The following ZFYVE1 variants were observed in gnomAD, a reference collection of about 807,000 sequenced individuals.
ZFYVE1 encodes zinc finger FYVE domain-containing protein 1.
ZFYVE1 carries 30 observed loss-of-function variants against 74.4 expected under a neutral mutation model. The observed-to-expected ratio is 0.40, with a 90% CI of 0.30 to 0.55. ZFYVE1 has a LOEUF of 0.55. ZFYVE1 is among the 20% of genes least tolerant of loss of function. ZFYVE1 has a pLI of 0.42. For synonymous variants in ZFYVE1, 335 were observed against 385.1 expected, an observed-to-expected ratio of 0.87 and a Z score of 1.52; for missense variants, 703 against 1,011.6, an observed-to-expected ratio of 0.69 and a Z score of 4.14.
chr14:73,012,645 T>C (rs12050080), intron 2 of ZFYVE1, among the ~76,000 whole-genome samples: 41,992 of 151,898 alleles, frequency 0.28, 6,627 homozygotes, highest in Middle Eastern at 0.39. Context: ...TGTGGGATCC[T>C]TGAAAAGCCT....
intron 1 of ZFYVE1, among the ~76,000 whole-genome samples, chr14:73,026,551 G>C (rs12889202): frequency 0.15 from 22,281 of 152,022 alleles, 1,887 homozygotes; most frequent in South Asian, 0.24. Flanking sequence ...TGTCACAATT[G>C]AGAAAAATAT....
chr14:73,025,206 T>C (rs1407681140), intron 1 of ZFYVE1, among the ~76,000 whole-genome samples: 1 of 151,680 alleles, frequency 6.6e-6, no homozygotes, highest in Admixed American at 6.6e-5. Flanking sequence ...GGAGCTGGGA[T>C]TACACGCGCT....
chr14:73,002,179 C>A (rs1264579247), intron 2 of ZFYVE1, among the ~76,000 whole-genome samples: 1 of 152,104 alleles, frequency 6.6e-6, no homozygotes, highest in East Asian at 1.9e-4. Flanking sequence ...AATCAAAAGA[C>A]CACATAGTGT....
chr14:73,016,378 G>A (rs554890449), intron 2 of ZFYVE1, among the ~76,000 whole-genome samples: 1 of 152,286 alleles, frequency 6.6e-6, no homozygotes, highest in East Asian at 1.9e-4. Flanking sequence ...AGGCGTGGTG[G>A]CGGGCGCCTA....
intron 2 of ZFYVE1, 97 bp downstream of exon 2, chr14:73,023,929 A>G (rs1349147703): frequency 6.7e-7 from 1 of 1,503,102 alleles, no homozygotes; most frequent in East Asian, 2.3e-5. Flanking sequence ...TTAATGATTA[A>G]AATGTGATCT....
At chr14:73,026,539 C>T (rs1894464775) in intron 1 of ZFYVE1, among the ~76,000 whole-genome samples, 1 of 152,188 alleles carries the variant, frequency 6.6e-6, no homozygotes, top group African/African-American at 2.4e-5. Flanking sequence ...AAAAATCAAA[C>T]TTGTCACAAT....
chr14:73,012,904 T>TG (rs1444171653), intron 2 of ZFYVE1, among the ~76,000 whole-genome samples: 4 of 151,992 alleles, frequency 2.6e-5, no homozygotes, highest in Non-Finnish European at 4.4e-5. Context: ...GTAGATAACA[T>TG]ATTCATGAGA....
In ZFYVE1 at chr14:72,981,772, G is replaced by T. The variant is rs776860002; in HGVS notation, c.1310+17C>A. On this transcript the variant is annotated intron_variant, in intron 5 of 11. Coordinates refer to ENST00000556143, the MANE Select transcript of ZFYVE1 (RefSeq NM_021260.4). The stretch of plus-strand genomic sequence containing the variant: ...CTCAAGGTATGGGGTGGGAGGTGGG[G>T]GAGCGGCCTTACTTACCCACAGCTG... The T allele has an allele frequency of 6.2e-7, 1 of 1,611,038 alleles. No individual in the cohort carries two copies. The highest frequency in any genetic ancestry group is 1.1e-5 in the South Asian group (1 of 91,024).
At chr14:73,019,656 A>G (rs1894274052) in intron 2 of ZFYVE1, among the ~76,000 whole-genome samples, 1 of 152,228 alleles carries the variant, frequency 6.6e-6, no homozygotes, top group South Asian at 2.1e-4. Flanking sequence ...AAGTTTAATT[A>G]TAAAGTTTAG....
chr14:73,025,461 C>T (rs1257778239), intron 1 of ZFYVE1, among the ~76,000 whole-genome samples: 2 of 151,556 alleles, frequency 1.3e-5, no homozygotes, highest in Admixed American at 6.6e-5. Flanking sequence ...TTTGGGAGGC[C>T]GAGGTGGGCA....
At chr14:72,984,490 T>C (rs1038151269) in intron 4 of ZFYVE1, among the ~76,000 whole-genome samples, 1 of 151,552 alleles carries the variant, frequency 6.6e-6, no homozygotes, top group South Asian at 2.1e-4. Flanking sequence ...GATCACGCCA[T>C]TGCACTCCAG....
chr14:72,972,434 C>A (rs1053888440), intron 11 of ZFYVE1, among the ~76,000 whole-genome samples: 1 of 152,216 alleles, frequency 6.6e-6, no homozygotes, highest in Non-Finnish European at 1.5e-5. Context: ...CCAGGTACCC[C>A]TGGGGACAGA....
intron 4 of ZFYVE1, among the ~76,000 whole-genome samples, chr14:72,986,094 GTTC>G (rs977700064): frequency 1.3e-5 from 2 of 152,192 alleles, no homozygotes; most frequent in Admixed American, 1.3e-4. Flanking sequence ...ACAGCGTAAG[GTTC>G]TTACTGTTTC....
intron 2 of ZFYVE1, among the ~76,000 whole-genome samples, chr14:73,023,243 T>TATATATATGTTTTATATATA (rs1894361402): frequency 1.7e-5 from 2 of 117,826 alleles, no homozygotes; most frequent in Admixed American, 1.0e-4. Context: ...TTATATGTAA[T>TATATATATGTTTTATATATA]ATATATATTA....
chr14:72,993,166 C>T lies in ZFYVE1; in HGVS notation c.1180G>A (p.Gly394Arg). 1 of 1,610,786 alleles carries T rather than the reference C, an allele frequency of 6.2e-7. No individual in the cohort carries two copies. Among genetic ancestry groups the T allele is most frequent in the South Asian group, 1.1e-5 (1 of 90,842 alleles). The change falls in exon 4 of 12, where the codon GGA becomes AGA. Residue 394 changes from glycine (G) to arginine (R), a missense_variant. Gly to Arg is a moderately radical substitution (Grantham distance 125). This residue lies in a region of ZFYVE1 where 492 missense variants were observed against 790.0 expected (regional missense o/e 0.62). Coordinates refer to ENST00000556143, the MANE Select transcript of ZFYVE1 (RefSeq NM_021260.4). ...ACCTTCAGGGCTTTGAAGATGACTCCCGGGTGCCGGGGAGAACGGGTGGTG... is the reference window on the plus strand; with the variant it reads ...ACCTTCAGGGCTTTGAAGATGACTCTCGGGTGCCGGGGAGAACGGGTGGTG... Reference protein sequence around the residue: ...NNTTRSPRHPGVIFKALKALS... With the variant: ...NNTTRSPRHPRVIFKALKALS...
At chr14:72,972,709 C>CTTTT (rs764679644) in intron 11 of ZFYVE1, among the ~76,000 whole-genome samples, 1 of 140,322 alleles carries the variant, frequency 7.1e-6, no homozygotes, top group African/African-American at 2.6e-5. Context: ...TTTAAATCTT[C>CTTTT]TTTTTTTTTT....
At chr14:73,019,889 T>G (rs926168213) in intron 2 of ZFYVE1, among the ~76,000 whole-genome samples, 2 of 149,334 alleles carry the variant, frequency 1.3e-5, no homozygotes, top group Non-Finnish European at 3.0e-5. Flanking sequence ...AGACGGAGGT[T>G]GCAGTGAGCC....
chr14:73,003,861 G>A (rs141236119), intron 2 of ZFYVE1, among the ~76,000 whole-genome samples: 6 of 152,302 alleles, frequency 3.9e-5, no homozygotes, highest in South Asian at 2.1e-4. Flanking sequence ...GGGCAGGGCC[G>A]TGTCTACCTT....
chr14:72,971,778 T>G (rs1010397568), intron 11 of ZFYVE1, among the ~76,000 whole-genome samples: 3 of 152,144 alleles, frequency 2.0e-5, no homozygotes, highest in Non-Finnish European at 4.4e-5. Flanking sequence ...TCCTTGATCT[T>G]TATGTATCTA....
Sources: allele counts gnomAD v4.1 joint callset (sites outside exome capture counted in the v4.1 genomes callset), GRCh38; gene constraint gnomAD v4.1.1; regional missense constraint gnomAD v4.1.1; transcripts MANE v1.5; gene names NCBI Gene and HGNC (gene_info 2026-07-23, HGNC 2026-07-21).